PRELID2: variants seen among roughly 807,000 people sequenced by gnomAD.
The protein encoded by PRELID2 is PRELI domain-containing protein 2.
In PRELID2, 25 loss-of-function variants were observed where a neutral mutation model predicts 28.4. The ratio of observed to expected loss-of-function variants is 0.88; its 90% CI spans 0.64 to 1.23. PRELID2 has a LOEUF of 1.23. PRELID2 is among the 50% of genes most tolerant of loss of function. The probability of loss-of-function intolerance (pLI) is 0.00; values close to 1 mark genes in which losing one functional copy is unlikely to be tolerated. For synonymous variants in PRELID2, 76 were observed against 71.6 expected (o/e 1.06, Z -0.31); for missense variants, 201 against 214.4 (o/e 0.94, Z 0.39).
chr5:145,307,107 T>G, the PRELID2 span, among the ~76,000 whole-genome samples: 2 of 152,206 alleles, frequency 1.3e-5, no homozygotes, highest in Non-Finnish European at 2.9e-5. Context: ...ATTCCTTGCT[T>G]CTGTTGCTAA....
intron 5 of PRELID2, among the ~76,000 whole-genome samples, chr5:145,785,330 C>G (rs1268945903): frequency 6.6e-6 from 1 of 152,198 alleles, no homozygotes; most frequent in East Asian, 1.9e-4. Flanking sequence ...GTTAAACATA[C>G]AGACAAAACT....
chr5:145,406,068 C>T, the PRELID2 span, among the ~76,000 whole-genome samples: 1 of 152,056 alleles, frequency 6.6e-6, no homozygotes, highest in African/African-American at 2.4e-5. Flanking sequence ...AAGAACAACA[C>T]CATGGGGATG....
intron 1 of PRELID2, among the ~76,000 whole-genome samples, chr5:145,652,579 G>A (rs550489327): frequency 3.3e-5 from 5 of 152,212 alleles, no homozygotes; most frequent in Non-Finnish European, 4.4e-5. Flanking sequence ...AGACAGAAGA[G>A]AGTGGGGGCC....
intron 1 of PRELID2, among the ~76,000 whole-genome samples, chr5:145,534,495 C>T (rs980376172): frequency 6.6e-6 from 1 of 151,982 alleles, no homozygotes; most frequent in Non-Finnish European, 1.5e-5. Context: ...TCCAACAGAG[C>T]ATACTTTGAG....
the PRELID2 span, among the ~76,000 whole-genome samples, chr5:145,409,148 C>CTTT: frequency 6.6e-6 from 1 of 152,066 alleles, no homozygotes; most frequent in African/African-American, 2.4e-5. Context: ...AATATAAGGT[C>CTTT]TTTTTCAGAC....
the PRELID2 span, among the ~76,000 whole-genome samples, chr5:145,419,403 C>T: frequency 2.4e-5 from 3 of 125,668 alleles, no homozygotes; most frequent in African/African-American, 5.9e-5. Context: ...TGTTTCCTGA[C>T]TTTTTAATGA....
At chr5:145,347,332 G>T in the PRELID2 span, among the ~76,000 whole-genome samples, 1 of 152,122 alleles carries the variant, frequency 6.6e-6, no homozygotes, top group South Asian at 2.1e-4. Flanking sequence ...CTCTTTGAAA[G>T]TTTTGTAGTG....
At chr5:145,367,598 T>G in the PRELID2 span, among the ~76,000 whole-genome samples, 1 of 152,080 alleles carries the variant, frequency 6.6e-6, no homozygotes, top group East Asian at 1.9e-4. Context: ...AAATCTTCTG[T>G]GTTCAGCCAA....
At chr5:145,284,268 G>A in the PRELID2 span, among the ~76,000 whole-genome samples, 1 of 152,104 alleles carries the variant, frequency 6.6e-6, no homozygotes, top group Non-Finnish European at 1.5e-5. Flanking sequence ...CATGATTGGG[G>A]AGTAGTTTTG....
chr5:145,307,227 C>T, the PRELID2 span, among the ~76,000 whole-genome samples: 1 of 152,102 alleles, frequency 6.6e-6, no homozygotes, highest in East Asian at 1.9e-4. Flanking sequence ...ATAGTTGGGG[C>T]AGTCATGGAT....
chr5:145,244,812 A>G, the PRELID2 span, among the ~76,000 whole-genome samples: 1 of 152,044 alleles, frequency 6.6e-6, no homozygotes, highest in Non-Finnish European at 1.5e-5. Flanking sequence ...ATTTCACCCT[A>G]ATTTTCTTTT....
intron 1 of PRELID2, among the ~76,000 whole-genome samples, chr5:145,665,285 T>C (rs565564591): frequency 2.6e-5 from 4 of 152,216 alleles, no homozygotes; most frequent in African/African-American, 9.6e-5. Context: ...TAGATTTCAA[T>C]GTGAGCAGCA....
intron 1 of PRELID2, among the ~76,000 whole-genome samples, chr5:145,714,798 A>G (rs987089509): frequency 5.3e-5 from 8 of 152,068 alleles, no homozygotes; most frequent in African/African-American, 1.9e-4. Context: ...TTCTTGAAGC[A>G]CTTTCTTCTT....
chr5:145,820,399 A>C (rs910082147), intron 2 of PRELID2, among the ~76,000 whole-genome samples: 1 of 152,168 alleles, frequency 6.6e-6, no homozygotes, highest in Non-Finnish European at 1.5e-5. Flanking sequence ...TCCAATGTCA[A>C]GGATGAAAGA....
At chr5:145,483,386 G>A (rs556449101) in intron 1 of PRELID2, among the ~76,000 whole-genome samples, 112 of 152,236 alleles carry the variant, frequency 7.4e-4, no homozygotes, top group African/African-American at 2.5e-3. Flanking sequence ...AGAGGGTGAG[G>A]CTATTCTAGA....
the PRELID2 span, among the ~76,000 whole-genome samples, chr5:145,251,500 C>A: frequency 6.6e-6 from 1 of 152,078 alleles, no homozygotes; most frequent in African/African-American, 2.4e-5. Flanking sequence ...AATTTGCAGG[C>A]ACTACAAATA....
chr5:145,322,296 C>T, the PRELID2 span, among the ~76,000 whole-genome samples: 1 of 152,068 alleles, frequency 6.6e-6, no homozygotes, highest in Non-Finnish European at 1.5e-5. Context: ...TTATTTTTTC[C>T]ATACATATAA....
rs17103756 is a variant in PRELID2 at position 145,801,489 on chromosome 5, T to C, written c.369-4942A>G. ...AGAAGCCTACAGAGAGGACTCTCCATCACATTTATGATATTACAAATTCAG... is the reference window on the plus strand; with the variant it reads ...AGAAGCCTACAGAGAGGACTCTCCACCACATTTATGATATTACAAATTCAG... On this transcript the variant is annotated intron_variant, in intron 4 of 6. Transcript: ENST00000683046. Among the ~76,000 whole-genome samples the C allele has an allele frequency of 5.7e-3, 873 of 152,276 alleles. 16 individuals are homozygous for C. The highest frequency in any genetic ancestry group is 0.045 in the East Asian group (235 of 5,178).
At chr5:145,370,364 A>G in the PRELID2 span, among the ~76,000 whole-genome samples, 29 of 152,110 alleles carry the variant, frequency 1.9e-4, 1 homozygote, top group East Asian at 5.0e-3. Context: ...TCCCAGCACC[A>G]TTTATTGAAT....
Sources: allele counts gnomAD v4.1 joint callset (sites outside exome capture counted in the v4.1 genomes callset), GRCh38; gene constraint gnomAD v4.1.1; transcripts MANE v1.5; gene names NCBI Gene and HGNC (gene_info 2026-07-23, HGNC 2026-07-21).